Variants in SHPRH observed in about 807,000 individuals in gnomAD.
The protein encoded by SHPRH is E3 ubiquitin-protein ligase SHPRH.
A neutral mutation model predicts 202.5 loss-of-function variants in SHPRH; 106 were observed. That is an observed-to-expected ratio of 0.52 (90% confidence interval 0.45 to 0.62). SHPRH has a LOEUF of 0.62. SHPRH is among the 20% of genes least tolerant of loss of function. The probability of loss-of-function intolerance (pLI) is 0.00; values close to 1 mark genes in which losing one functional copy is unlikely to be tolerated. For missense variants in SHPRH, 1,710 were observed against 2,020.0 expected, an observed-to-expected ratio of 0.85 and a Z score of 2.94; for synonymous variants, 729 against 686.0, an observed-to-expected ratio of 1.06 and a Z score of -0.98.
At chr6:145,879,935 A>T (rs549731998), downstream of SHPRH, among the ~76,000 whole-genome samples, 258 of 149,734 alleles carry the variant, frequency 1.7e-3, no homozygotes, top group Admixed American at 2.9e-3. Flanking sequence ...AAAAAAAAGG[A>T]AAAAAGAAAA....
Position 145,918,126 on chromosome 6 carries a change from A to G in SHPRH, c.4254+5T>C. 1 of 1,604,016 alleles carries G rather than the reference A, an allele frequency of 6.2e-7. No homozygotes were observed. The highest frequency in any genetic ancestry group is 1.7e-4 in the Middle Eastern group (1 of 5,994). ...GGAAAAAGTAGCATGTCTTAGAAAC[A>G]ATACCTTCTCCAAATTAGTTAGGTA... On this transcript the variant is annotated splice_donor_5th_base_variant and intron_variant, in intron 23 of 29. Coordinates refer to ENST00000275233, the MANE Select transcript of SHPRH (RefSeq NM_001042683.3).
chr6:145,947,686 T>C (rs1439080516), intron 5 of SHPRH, 43 bp from the exon 6 acceptor site: 7 of 1,598,926 alleles, frequency 4.4e-6, no homozygotes, highest in African/African-American at 1.3e-5. Context: ...GGAATGTGAA[T>C]ACAAATTACA....
chr6:145,951,017 G>T (rs767176391), intron 3 of SHPRH, among the ~76,000 whole-genome samples: 4 of 152,074 alleles, frequency 2.6e-5, no homozygotes, highest in Non-Finnish European at 5.9e-5. Context: ...TGCCCAATAA[G>T]AAATGGGTTC....
intron 2 of SHPRH, among the ~76,000 whole-genome samples, chr6:145,879,306 A>T (rs905825006): frequency 1.3e-5 from 2 of 151,292 alleles, no homozygotes; most frequent in South Asian, 2.1e-4. Context: ...TACTAACTTT[A>T]AAAAAAAAGA....
chr6:145,914,455 G>A (rs1000039181), intron 23 of SHPRH, among the ~76,000 whole-genome samples: 5 of 152,142 alleles, frequency 3.3e-5, no homozygotes, highest in African/African-American at 1.2e-4. Flanking sequence ...TAGGCCTTGT[G>A]GGCCATATGA....
intron 2 of SHPRH, chr6:145,871,246 G>A (rs1169930330): frequency 6.6e-6 from 1 of 152,086 alleles, no homozygotes; most frequent in Non-Finnish European, 1.5e-5. Flanking sequence ...TATTTAAATG[G>A]GAAAAGAGGA....
At chr6:145,949,544 T>C (rs1262009073) in intron 4 of SHPRH, among the ~76,000 whole-genome samples, 1 of 152,006 alleles carries the variant, frequency 6.6e-6, no homozygotes, top group Non-Finnish European at 1.5e-5. Context: ...TATAAGTACA[T>C]GGGGGCATAC....
chr6:145,948,061 A>G (rs1188345923), intron 5 of SHPRH, among the ~76,000 whole-genome samples: 4 of 152,022 alleles, frequency 2.6e-5, no homozygotes, highest in Non-Finnish European at 1.5e-5. Context: ...ATAACTAAGC[A>G]CCTTATGTCT....
At chr6:145,958,157 G>A (rs1168055881) in intron 1 of SHPRH, among the ~76,000 whole-genome samples, 1 of 152,160 alleles carries the variant, frequency 6.6e-6, no homozygotes, top group South Asian at 2.1e-4. Context: ...CAGGGGCAAG[G>A]AAGTATAAAG....
intron 1 of SHPRH, among the ~76,000 whole-genome samples, chr6:145,956,059 A>G (rs1340490176): frequency 6.6e-6 from 1 of 152,156 alleles, no homozygotes; most frequent in African/African-American, 2.4e-5. Context: ...CAAAGAAAAA[A>G]AGAAGCAGAA....
chr6:145,923,442 T>C (rs1304574676), intron 18 of SHPRH, among the ~76,000 whole-genome samples: 2 of 151,766 alleles, frequency 1.3e-5, no homozygotes, highest in Non-Finnish European at 2.9e-5. Context: ...CAGTTAGGAG[T>C]TAAACCCAAT....
intron 23 of SHPRH, among the ~76,000 whole-genome samples, chr6:145,914,273 A>C (rs1490361643): frequency 6.6e-6 from 1 of 152,134 alleles, no homozygotes; most frequent in Non-Finnish European, 1.5e-5. Flanking sequence ...TGCTCAAGAA[A>C]GTAAACTAGG....
downstream of SHPRH, among the ~76,000 whole-genome samples, chr6:145,880,407 T>C (rs1780507539): frequency 6.6e-6 from 1 of 151,954 alleles, no homozygotes; most frequent in Admixed American, 6.6e-5. Flanking sequence ...GGCAGGAGGA[T>C]CACTTGAGCC....
rs1210908256 is a variant in SHPRH, at chr6:145,919,380, G to T, written c.4120C>A (p.Pro1374Thr). ...GGTTCAATGATATGAAGAACAGGCG[G>T]ATTAGGCTTTGGCTCCCTAGGATCA... The part of the protein sequence containing the change: ...VRDPREPKPN[P>T]PVLHIIEPHE... The change falls in exon 22 of 30, where the codon CCG (proline) becomes ACG (threonine). Residue 1374 changes from proline to threonine, a missense_variant. This residue lies in a region of SHPRH where 306 missense variants were observed against 479.5 expected (regional missense o/e 0.64). Coordinates refer to ENST00000275233, the MANE Select transcript of SHPRH (RefSeq NM_001042683.3). 1 of 1,613,152 alleles carries T rather than the reference G, an allele frequency of 6.2e-7. No homozygotes were observed. Among genetic ancestry groups the T allele is most frequent in the Non-Finnish European group, 8.5e-7 (1 of 1,179,370 alleles).
intron 2 of SHPRH, among the ~76,000 whole-genome samples, chr6:145,874,905 GAATA>G (rs1466136727): frequency 6.6e-6 from 1 of 152,186 alleles, no homozygotes; most frequent in Non-Finnish European, 1.5e-5. Flanking sequence ...CACAGAGCTT[GAATA>G]AATGAAGTAC....
chr6:145,930,662 T>G (rs890333514), intron 14 of SHPRH, among the ~76,000 whole-genome samples: 1 of 152,162 alleles, frequency 6.6e-6, no homozygotes, highest in African/African-American at 2.4e-5. Context: ...TCATATACAT[T>G]TAATGTGTAC....
chr6:145,864,885 C>T (rs1480727421), intron 2 of SHPRH, among the ~76,000 whole-genome samples: 1 of 150,820 alleles, frequency 6.6e-6, no homozygotes. Flanking sequence ...TGCTAATGTT[C>T]TTCTTTCTTC....
intron 2 of SHPRH, chr6:145,864,545 C>T (rs574676997): frequency 1.4e-5 from 3 of 214,352 alleles, no homozygotes; most frequent in African/African-American, 7.3e-5. Context: ...ACAGCAACAA[C>T]AAAACAATAA....
At chr6:145,961,679 A>G (rs1007146933) in intron 1 of SHPRH, among the ~76,000 whole-genome samples, 4 of 151,824 alleles carry the variant, frequency 2.6e-5, no homozygotes, top group Admixed American at 1.3e-4. Context: ...GATTCTTCCA[A>G]TATTAGTGCC....
Sources: gnomAD v4.1 joint callset for allele counts (sites outside exome capture counted in the v4.1 genomes callset) on GRCh38, gnomAD v4.1.1 for gene constraint, gnomAD v4.1.1 regional missense constraint, MANE v1.5 for transcripts, NCBI Gene and HGNC (gene_info 2026-07-23, HGNC 2026-07-21) for gene names.